KLF8: variants seen among roughly 807,000 people sequenced by gnomAD.
KLF8 encodes the protein Krueppel-like factor 8.
Under a neutral mutation model 18.2 loss-of-function variants are expected in KLF8, and 10 were observed. The observed-to-expected ratio is 0.55, with a 90% CI of 0.34 to 0.93. KLF8 has a LOEUF of 0.93. Ranked by LOEUF, KLF8 falls within the 40% of genes least tolerant of loss-of-function variation. The probability of loss-of-function intolerance (pLI) is 0.02; values close to 1 mark genes in which losing one functional copy is unlikely to be tolerated. For synonymous variants in KLF8, 109 were observed against 97.3 expected, an observed-to-expected ratio of 1.12 and a Z score of -0.71; for missense variants, 264 against 277.9, an observed-to-expected ratio of 0.95 and a Z score of 0.36.
chrX:56,164,729 C>CTTTTTTTTTTTTTTT, the KLF8 span, among the ~76,000 whole-genome samples: 5 of 51,919 alleles, frequency 9.6e-5, no homozygotes, highest in Admixed American at 2.5e-4. Flanking sequence ...CTTGTTATCT[C>CTTTTTTTTTTTTTTT]TTTTTTTTTT....
At chrX:56,144,724 G>A in the KLF8 span, among the ~76,000 whole-genome samples, 105 of 101,495 alleles carry the variant, frequency 1.0e-3, no homozygotes, top group African/African-American at 3.7e-3. Context: ...CTGCACTCCA[G>A]CCTGGGTGAC....
In KLF8 at chrX:56,284,905, T is replaced by C. The variant is rs1318054558; in HGVS notation, c.*411T>C. The C allele has an allele frequency of 8.2e-6, 1 of 121,717 alleles. No individual in the cohort carries two copies. Among genetic ancestry groups the C allele is most frequent in the Non-Finnish European group, 1.7e-5 (1 of 60,073 alleles). 10.0% of individuals were successfully genotyped at this position (121,717 alleles called of 1,213,427 possible). A position where few individuals can be genotyped will look rare whatever the true frequency, so the allele number is the denominator to read the frequency against. The stretch of plus-strand genomic sequence containing the variant: ...CTTATCCATATGTTTTTAAAATAAG[T>C]ACCTAAAAGTGGTTTGATAGTGTCC... On this transcript the variant is annotated 3_prime_UTR_variant, in exon 6 of 6. Coordinates refer to ENST00000468660, the MANE Select transcript of KLF8 (RefSeq NM_007250.5).
chrX:56,261,477 A>G (rs1276225722), intron 2 of KLF8, among the ~76,000 whole-genome samples: 1 of 111,888 alleles, frequency 8.9e-6, no homozygotes, highest in Non-Finnish European at 1.9e-5. Flanking sequence ...GAAAAATCTG[A>G]TGACAGAACA....
At chrX:55,975,006 G>T in the KLF8 span, among the ~76,000 whole-genome samples, 5 of 111,658 alleles carry the variant, frequency 4.5e-5, no homozygotes, top group Non-Finnish European at 7.5e-5. Context: ...AATTATATTT[G>T]TAGCTATTGT....
chrX:56,139,376 G>A, the KLF8 span, among the ~76,000 whole-genome samples: 2 of 111,900 alleles, frequency 1.8e-5, no homozygotes, highest in Admixed American at 1.9e-4. Context: ...ACAGCTAGAG[G>A]CATCACAATA....
chrX:56,162,734 C>T, the KLF8 span, among the ~76,000 whole-genome samples: 73 of 111,304 alleles, frequency 6.6e-4, no homozygotes, highest in South Asian at 0.026. Context: ...GGTGATGCCT[C>T]GCCCTGCTTC....
At chrX:56,190,284 C>A in the KLF8 span, among the ~76,000 whole-genome samples, 5 of 110,562 alleles carry the variant, frequency 4.5e-5, no homozygotes, top group African/African-American at 1.6e-4. Flanking sequence ...GAGTATATAA[C>A]AATTGTAAAT....
chrX:56,120,308 G>T, the KLF8 span, among the ~76,000 whole-genome samples: 1 of 111,457 alleles, frequency 9.0e-6, no homozygotes, highest in Non-Finnish European at 1.9e-5. Context: ...GAAGGCTTAG[G>T]ATTTCATTTT....
At chrX:56,104,239 G>T in the KLF8 span, among the ~76,000 whole-genome samples, 2 of 111,653 alleles carry the variant, frequency 1.8e-5, no homozygotes, top group African/African-American at 6.5e-5. Context: ...AAATGAGTTA[G>T]GGAGGATTCC....
chrX:56,075,760 C>A, the KLF8 span, among the ~76,000 whole-genome samples: 3 of 111,642 alleles, frequency 2.7e-5, no homozygotes, highest in East Asian at 2.8e-4. Flanking sequence ...TAAGTGAGAA[C>A]ATGTGATGTT....
chrX:55,967,906 T>A, the KLF8 span, among the ~76,000 whole-genome samples: 2 of 111,906 alleles, frequency 1.8e-5, no homozygotes, highest in South Asian at 3.7e-4. Flanking sequence ...TTTTTATTAG[T>A]TTTCTTATTG....
the KLF8 span, among the ~76,000 whole-genome samples, chrX:56,171,110 A>G: frequency 1.8e-5 from 2 of 112,080 alleles, no homozygotes; most frequent in East Asian, 2.8e-4. Context: ...AAGTCTGTAG[A>G]AAAACAGAAT....
the KLF8 span, among the ~76,000 whole-genome samples, chrX:56,122,672 C>G: frequency 9.0e-6 from 1 of 110,544 alleles, no homozygotes; most frequent in Non-Finnish European, 1.9e-5. Flanking sequence ...TGCTTTAAGC[C>G]CTATTCACAT....
chrX:55,934,095 A>G, the KLF8 span, among the ~76,000 whole-genome samples: 2 of 112,257 alleles, frequency 1.8e-5, no homozygotes, highest in Non-Finnish European at 3.8e-5. Flanking sequence ...GAAATTGTAT[A>G]CAGTTTTCTT....
At chrX:55,928,781 T>A in the KLF8 span, among the ~76,000 whole-genome samples, 35 of 112,119 alleles carry the variant, frequency 3.1e-4, no homozygotes, top group Non-Finnish European at 3.8e-5. Context: ...TGATGGGCAT[T>A]TGGGTTGGTT....
chrX:55,984,406 A>G, the KLF8 span, among the ~76,000 whole-genome samples: 10 of 110,679 alleles, frequency 9.0e-5, no homozygotes, highest in Non-Finnish European at 7.6e-5. Flanking sequence ...ATGGCTTCCA[A>G]CTCCATCCAT....
At chrX:56,155,631 A>G in the KLF8 span, among the ~76,000 whole-genome samples, 1 of 111,861 alleles carries the variant, frequency 8.9e-6, no homozygotes, top group Non-Finnish European at 1.9e-5. Context: ...AATTAAAAAG[A>G]TATGTACTTA....
the KLF8 span, among the ~76,000 whole-genome samples, chrX:56,112,148 C>A: frequency 6.3e-5 from 7 of 111,659 alleles, no homozygotes; most frequent in Non-Finnish European, 1.1e-4. Flanking sequence ...AATACTATGC[C>A]GCCATAAAAA....
chrX:56,010,112 C>T, the KLF8 span, among the ~76,000 whole-genome samples: 1 of 111,165 alleles, frequency 9.0e-6, no homozygotes, highest in Non-Finnish European at 1.9e-5. Context: ...CACGGAGAAC[C>T]TCAGTAAGAT....
Sources: gnomAD v4.1 joint callset for allele counts (sites outside exome capture counted in the v4.1 genomes callset) on GRCh38, gnomAD v4.1.1 for gene constraint, MANE v1.5 for transcripts, NCBI Gene and HGNC (gene_info 2026-07-23, HGNC 2026-07-21) for gene names.